CTNND2: variants seen among roughly 807,000 people sequenced by gnomAD.
CTNND2 encodes the protein catenin delta 2.
Under a neutral mutation model 144.4 loss-of-function variants are expected in CTNND2, and 22 were observed. That is an observed-to-expected ratio of 0.15 (90% CI 0.11 to 0.22). CTNND2 has a LOEUF of 0.22. Ranked by LOEUF, CTNND2 falls within the 10% of genes least tolerant of loss-of-function variation. The pLI is 1.00. For missense variants in CTNND2, 1,353 were observed against 1,618.8 expected (o/e 0.84, Z 2.82); for synonymous variants, 751 against 695.6 (o/e 1.08, Z -1.25).
At chr5:11,410,878 T>TC (rs1346751431) in intron 5 of CTNND2, among the ~76,000 whole-genome samples, 1 of 152,014 alleles carries the variant, frequency 6.6e-6, no homozygotes, top group Non-Finnish European at 1.5e-5. Flanking sequence ...TAGGTAATTT[T>TC]TTTTTTTTTT....
chr5:11,646,816 T>C (rs1005773809), intron 2 of CTNND2, among the ~76,000 whole-genome samples: 2 of 151,852 alleles, frequency 1.3e-5, no homozygotes, highest in African/African-American at 4.8e-5. Flanking sequence ...AGATCGTGAG[T>C]TTCCTCAAGT....
intron 9 of CTNND2, among the ~76,000 whole-genome samples, chr5:11,300,137 TCCTGTGGTTAAC>T: frequency 6.6e-6 from 1 of 152,124 alleles, no homozygotes; most frequent in Non-Finnish European, 1.5e-5. Flanking sequence ...ACACCATCAA[TCCTGTGGTTAAC>T]CCTCAGATCC....
chr5:11,225,684 A>G (rs966339349), intron 10 of CTNND2, among the ~76,000 whole-genome samples: 1 of 152,160 alleles, frequency 6.6e-6, no homozygotes, highest in African/African-American at 2.4e-5. Context: ...ACCCTGGGAT[A>G]TTACCTGTCT....
At chr5:11,087,185 C>A (rs986137869) in intron 15 of CTNND2, among the ~76,000 whole-genome samples, 1 of 152,120 alleles carries the variant, frequency 6.6e-6, no homozygotes, top group Non-Finnish European at 1.5e-5. Context: ...AAAATACATA[C>A]AATGAATTTG....
At chr5:11,025,794 A>G (rs1742759691) in intron 16 of CTNND2, among the ~76,000 whole-genome samples, 1 of 152,164 alleles carries the variant, frequency 6.6e-6, no homozygotes, top group South Asian at 2.1e-4. Flanking sequence ...TTTTTAACCT[A>G]AGTTTCTAAA....
chr5:11,028,344 T>C (rs1293725153), intron 16 of CTNND2, among the ~76,000 whole-genome samples: 1 of 152,210 alleles, frequency 6.6e-6, no homozygotes, highest in Non-Finnish European at 1.5e-5. Context: ...GCTGAGGTGC[T>C]CTGAGTTTAT....
intron 9 of CTNND2, among the ~76,000 whole-genome samples, chr5:11,238,005 G>A (rs1741826125): frequency 6.6e-6 from 1 of 152,052 alleles, no homozygotes. Flanking sequence ...TCTTTTTCCT[G>A]TCTCCTCCTT....
chr5:11,271,611 T>C (rs1336144204), intron 9 of CTNND2, among the ~76,000 whole-genome samples: 1 of 152,148 alleles, frequency 6.6e-6, no homozygotes, highest in Non-Finnish European at 1.5e-5. Context: ...ATTGTCAGAA[T>C]GGGTCCCACT....
At chr5:11,523,390 C>T (rs558029501) in intron 3 of CTNND2, among the ~76,000 whole-genome samples, 4 of 152,018 alleles carry the variant, frequency 2.6e-5, no homozygotes, top group Non-Finnish European at 5.9e-5. Flanking sequence ...TCATGTATAT[C>T]GAGGCACACT....
intron 5 of CTNND2, among the ~76,000 whole-genome samples, chr5:11,410,176 G>A (rs1761397844): frequency 6.6e-6 from 1 of 152,084 alleles, no homozygotes; most frequent in South Asian, 2.1e-4. Context: ...TATATTTAAT[G>A]ACTATGAGTA....
intron 3 of CTNND2, among the ~76,000 whole-genome samples, chr5:11,553,971 G>A (rs571367903): frequency 1.3e-3 from 194 of 152,230 alleles, no homozygotes; most frequent in African/African-American, 4.6e-3. Flanking sequence ...AGTAATTGAT[G>A]TAAGAAATAT....
chr5:11,234,916 G>A (rs1274142810), intron 10 of CTNND2, among the ~76,000 whole-genome samples: 5 of 152,198 alleles, frequency 3.3e-5, no homozygotes, highest in Admixed American at 6.5e-5. Flanking sequence ...GGCCCAGTCT[G>A]CATGTGAGAA....
intron 1 of CTNND2, among the ~76,000 whole-genome samples, chr5:11,881,854 G>A (rs1476016807): frequency 3.3e-5 from 5 of 151,988 alleles, no homozygotes; most frequent in African/African-American, 1.2e-4. Flanking sequence ...TCCACCGACA[G>A]TGTAAAAGAG....
rs546769457 is a variant in CTNND2, at chr5:11,879,362, T to TAC, written c.37+24453_37+24454dup. On this transcript the variant is annotated intron_variant, in intron 1 of 21. Transcript: ENST00000304623. ...GTGTGTATATATATATATATACATATACACACACACACAAACATATACATA... is the reference window on the plus strand; with the variant it reads ...GTGTGTATATATATATATATACATATACACACACACACACAAACATATACATA... 8.8e-4 allele frequency among the ~76,000 whole-genome samples: 121 copies of TAC among 137,240 alleles called. 2 individuals are homozygous for TAC. The highest frequency in any genetic ancestry group is 4.0e-3 in the Middle Eastern group (1 of 250). 90.0% of individuals were successfully genotyped at this position (137,240 alleles called of 152,430 possible).
At chr5:11,620,344 T>A (rs1780771965) in intron 2 of CTNND2, among the ~76,000 whole-genome samples, 1 of 152,096 alleles carries the variant, frequency 6.6e-6, no homozygotes, top group Non-Finnish European at 1.5e-5. Context: ...TCTACAGGGC[T>A]GTCACATTCA....
intron 1 of CTNND2, among the ~76,000 whole-genome samples, chr5:11,812,804 G>C (rs989803436): frequency 3.9e-5 from 6 of 152,132 alleles, no homozygotes; most frequent in African/African-American, 1.4e-4. Context: ...AGGACACAGT[G>C]CTGGGAACCA....
At chr5:11,840,114 A>G (rs1220300552) in intron 1 of CTNND2, among the ~76,000 whole-genome samples, 1 of 152,188 alleles carries the variant, frequency 6.6e-6, no homozygotes, top group Non-Finnish European at 1.5e-5. Flanking sequence ...AAAAATTGTA[A>G]CTACATCTGA....
intron 6 of CTNND2, among the ~76,000 whole-genome samples, chr5:11,390,666 C>A (rs1485569377): frequency 2.0e-5 from 3 of 152,218 alleles, no homozygotes; most frequent in Non-Finnish European, 4.4e-5. Flanking sequence ...AGTTCTGGGA[C>A]AGGAGGCCTA....
chr5:11,567,824 C>T (rs1018744428), intron 2 of CTNND2, among the ~76,000 whole-genome samples: 4 of 152,170 alleles, frequency 2.6e-5, no homozygotes, highest in Non-Finnish European at 5.9e-5. Flanking sequence ...CAATCTGGGT[C>T]ATATCTTCTG....
Sources: allele counts gnomAD v4.1 joint callset (sites outside exome capture counted in the v4.1 genomes callset), GRCh38; gene constraint gnomAD v4.1.1; transcripts MANE v1.5; gene names NCBI Gene and HGNC (gene_info 2026-07-23, HGNC 2026-07-21).